The following FRMPD4 variants were observed in gnomAD, a reference collection of about 807,000 sequenced individuals.
FRMPD4 encodes the protein FERM and PDZ domain containing 4.
Under a neutral mutation model 94.1 loss-of-function variants are expected in FRMPD4, and 22 were observed. The ratio of observed to expected loss-of-function variants is 0.23; its 90% confidence interval spans 0.17 to 0.33. FRMPD4 has a LOEUF of 0.33. Ranked by LOEUF, FRMPD4 falls within the 10% of genes least tolerant of loss-of-function variation. FRMPD4 has a pLI of 1.00. For missense variants in FRMPD4, 1,111 were observed against 1,339.9 expected (o/e 0.83, Z 2.67); for synonymous variants, 631 against 548.6 (o/e 1.15, Z -2.10).
chrX:12,171,709 G>T (rs1165379173), intron 1 of FRMPD4, among the ~76,000 whole-genome samples: 1 of 112,212 alleles, frequency 8.9e-6, no homozygotes, highest in Non-Finnish European at 1.9e-5. Context: ...GCCGATGAGC[G>T]TGGGACTTCA....
intron 2 of FRMPD4, among the ~76,000 whole-genome samples, chrX:12,567,076 G>A (rs12689317): frequency 0.4 from 42,748 of 107,954 alleles, 7,035 homozygotes; most frequent in Non-Finnish European, 0.51. Context: ...CTAGTGTGGG[G>A]AAAAAAAACA....
intron 1 of FRMPD4, among the ~76,000 whole-genome samples, chrX:12,200,217 T>TATC (rs1415076557): frequency 2.1e-4 from 24 of 111,831 alleles, no homozygotes; most frequent in Non-Finnish European, 3.4e-4. Context: ...AAAGGGTGAT[T>TATC]ATCATCTTTG....
chrX:12,436,176 T>G lies in FRMPD4; in HGVS notation c.42-62504T>G, dbSNP rs780514214. ...GCCCGCCATCACATCTGGCTAATTT[T>G]TGTATTTTTAGTGGACACGGGTTTC... On this transcript the variant is annotated intron_variant, in intron 1 of 16. Transcript: ENST00000675598. Among the ~76,000 whole-genome samples, 41 of 110,961 alleles carry G rather than the reference T, an allele frequency of 3.7e-4. 1 individual carries two copies. The East Asian group carries it at 0.011, about 30-fold the overall frequency.
At chrX:12,427,214 G>A (rs759475175) in intron 1 of FRMPD4, among the ~76,000 whole-genome samples, 5 of 111,574 alleles carry the variant, frequency 4.5e-5, no homozygotes, top group East Asian at 2.8e-4. Context: ...CTTTATCACC[G>A]CATATTTAAG....
chrX:12,382,284 T>C (rs1161405416), intron 1 of FRMPD4, among the ~76,000 whole-genome samples: 1 of 111,302 alleles, frequency 9.0e-6, no homozygotes, highest in African/African-American at 3.3e-5. Flanking sequence ...TTAGGAAAAA[T>C]GGGGTGACCC....
At chrX:12,641,526 T>C (rs1408255691) in intron 4 of FRMPD4, among the ~76,000 whole-genome samples, 1 of 111,851 alleles carries the variant, frequency 8.9e-6, no homozygotes, top group African/African-American at 3.3e-5. Flanking sequence ...TTTACTTTTC[T>C]TGCTTCTATC....
intron 5 of FRMPD4, among the ~76,000 whole-genome samples, chrX:12,675,110 C>A (rs2059884951): frequency 8.9e-6 from 1 of 112,253 alleles, no homozygotes; most frequent in African/African-American, 3.2e-5. Context: ...GGGAGTAATA[C>A]ATTTTCTAAA....
At chrX:11,920,966 A>C (rs999970906) in intron 3 of FRMPD4, among the ~76,000 whole-genome samples, 2 of 112,320 alleles carry the variant, frequency 1.8e-5, no homozygotes, top group Non-Finnish European at 3.8e-5. Context: ...AATGCTCGCC[A>C]ACTGCTTTAG....
chrX:12,043,226 C>T (rs1028909360), intron 3 of FRMPD4, among the ~76,000 whole-genome samples: 1 of 111,437 alleles, frequency 9.0e-6, no homozygotes, highest in African/African-American at 3.3e-5. Context: ...GCCCTATGAA[C>T]CGTAAGGATT....
intron 3 of FRMPD4, among the ~76,000 whole-genome samples, chrX:12,121,052 T>C (rs187379199): frequency 1.4e-4 from 15 of 108,975 alleles, no homozygotes; most frequent in Non-Finnish European, 2.3e-4. Context: ...TTTATAATAA[T>C]ACTAAGACTT....
At chrX:12,306,496 T>C (rs1038628190) in intron 1 of FRMPD4, among the ~76,000 whole-genome samples, 3 of 112,171 alleles carry the variant, frequency 2.7e-5, no homozygotes, top group Admixed American at 1.9e-4. Context: ...CTTTCTCTTA[T>C]TAAACTCACA....
At chrX:12,085,085 C>A (rs1305192042) in intron 3 of FRMPD4, among the ~76,000 whole-genome samples, 1 of 111,818 alleles carries the variant, frequency 8.9e-6, no homozygotes, top group African/African-American at 3.3e-5. Flanking sequence ...CTCAATTAAA[C>A]AATTAACTCT....
intron 2 of FRMPD4, among the ~76,000 whole-genome samples, chrX:12,517,854 G>C (rs1016658796): frequency 5.3e-5 from 6 of 112,780 alleles, no homozygotes; most frequent in African/African-American, 1.9e-4. Flanking sequence ...CCTCCCCCAA[G>C]GGGCTCTTTT....
chrX:12,503,242 C>T (rs929543237), intron 2 of FRMPD4, among the ~76,000 whole-genome samples: 1 of 111,601 alleles, frequency 9.0e-6, no homozygotes, highest in African/African-American at 3.3e-5. Flanking sequence ...GGGTCAGTTC[C>T]GAAGCACATG....
At chrX:12,456,013 C>T (rs1011597815) in intron 1 of FRMPD4, among the ~76,000 whole-genome samples, 8 of 111,246 alleles carry the variant, frequency 7.2e-5, no homozygotes, top group Non-Finnish European at 1.5e-4. Context: ...AGGCTGGTCT[C>T]GAACTCCTAA....
chrX:12,153,440 T>C (rs2055889917), intron 1 of FRMPD4, among the ~76,000 whole-genome samples: 1 of 111,903 alleles, frequency 8.9e-6, no homozygotes, highest in Admixed American at 9.5e-5. Context: ...TGAGGTCATG[T>C]TGACAGGCTG....
chrX:12,349,163 G>A, intron 1 of FRMPD4, among the ~76,000 whole-genome samples: 1 of 111,704 alleles, frequency 9.0e-6, no homozygotes, highest in Non-Finnish European at 1.9e-5. Flanking sequence ...CAGCAGGCCA[G>A]GCCAGCTGGT....
At chrX:12,587,413 A>G (rs2058940941) in intron 2 of FRMPD4, among the ~76,000 whole-genome samples, 1 of 111,921 alleles carries the variant, frequency 8.9e-6, no homozygotes, top group African/African-American at 3.3e-5. Flanking sequence ...ATGAAACTTT[A>G]TAATCATTAA....
At chrX:12,010,499 A>G (rs1042624240) in intron 3 of FRMPD4, among the ~76,000 whole-genome samples, 2 of 112,264 alleles carry the variant, frequency 1.8e-5, no homozygotes, top group African/African-American at 6.5e-5. Context: ...GTGATGAGCC[A>G]GTTAGGCAAT....
Sources: gnomAD v4.1 joint callset for allele counts (sites outside exome capture counted in the v4.1 genomes callset) on GRCh38, gnomAD v4.1.1 for gene constraint, MANE v1.5 for transcripts, NCBI Gene and HGNC (gene_info 2026-07-23, HGNC 2026-07-21) for gene names.